Variants in PPFIBP1 observed in about 807,000 individuals in gnomAD.
The protein encoded by PPFIBP1 is liprin-beta-1.
PPFIBP1 carries 112 observed loss-of-function variants against 137.8 expected under a neutral mutation model. The observed-to-expected ratio is 0.81, with a 90% CI of 0.70 to 0.95. The LOEUF (loss-of-function observed/expected upper bound fraction) is 0.95. Ranked by LOEUF, PPFIBP1 falls within the 40% of genes least tolerant of loss-of-function variation. The probability of loss-of-function intolerance (pLI) is 0.00; values close to 1 mark genes in which losing one functional copy is unlikely to be tolerated. For synonymous variants in PPFIBP1, 378 were observed against 417.3 expected (o/e 0.91, Z 1.15); for missense variants, 1,083 against 1,196.6 (o/e 0.91, Z 1.40).
At chr12:27,616,681 A>G (rs2055797323) in intron 2 of PPFIBP1, among the ~76,000 whole-genome samples, 1 of 152,238 alleles carries the variant, frequency 6.6e-6, no homozygotes, top group African/African-American at 2.4e-5. Context: ...GCTTGGCATG[A>G]GATCAAGAAT....
rs148805297 is a variant in PPFIBP1 at position 27,618,276 on chromosome 12, C to T, written c.-35-15086C>T. On this transcript the variant is annotated intron_variant, in intron 2 of 29. Transcript: ENST00000228425. The stretch of plus-strand genomic sequence containing the variant: ...CACCTGAATGGACCCCTCCTCTCGG[C>T]CAAGGGCATTCCAAAGTTAACCCGA... Among the ~76,000 whole-genome samples the T allele has an allele frequency of 2.2e-3, 334 of 152,302 alleles. 1 individual carries two copies. Among genetic ancestry groups the T allele is most frequent in the African/African-American group, 7.6e-3 (316 of 41,560 alleles).
chr12:27,692,380 G>A (rs2061601712), intron 28 of PPFIBP1, among the ~76,000 whole-genome samples: 1 of 152,190 alleles, frequency 6.6e-6, no homozygotes, highest in Admixed American at 6.5e-5. Flanking sequence ...TATTAGCAAA[G>A]GCATTAGACT....
At chr12:27,579,419 T>C (rs943285503) in intron 2 of PPFIBP1, among the ~76,000 whole-genome samples, 2 of 152,194 alleles carry the variant, frequency 1.3e-5, no homozygotes, top group Non-Finnish European at 2.9e-5. Flanking sequence ...AGTAGAAAAT[T>C]ACCAGCACCT....
Position 27,667,231 on chromosome 12 carries a change from G to C in PPFIBP1, c.1057G>C (p.Gly353Arg), listed in dbSNP as rs148024203. Reference sequence around the variant, plus strand: ...CATCTCCTCTTTGCTGGATGCACAGGGTTTCAGTGATCTGGAGAAAAGTCC... The same window carrying C: ...CATCTCCTCTTTGCTGGATGCACAGCGTTTCAGTGATCTGGAGAAAAGTCC... ...SSISSLLDAQ[G>R]FSDLEKSPSP... The change falls in exon 13 of 30, where the codon GGT becomes CGT. Residue 353 changes from glycine (G) to arginine (R), a missense_variant. Coordinates refer to ENST00000228425, the MANE Select transcript of PPFIBP1 (RefSeq NM_003622.4). The C allele has an allele frequency of 9.9e-4, 1,593 of 1,613,614 alleles. 7 individuals carry two copies. The highest frequency in any genetic ancestry group is 2.4e-3 in the South Asian group (222 of 90,986).
intron 4 of PPFIBP1, 22 bp downstream of exon 4, chr12:27,635,137 TTC>T (rs769934097): frequency 1.4e-5 from 23 of 1,612,260 alleles, no homozygotes; most frequent in Non-Finnish European, 2.0e-5. Flanking sequence ...CTGTTCCAAA[TTC>T]TGTTATAAAT....
chr12:27,525,513 GAAAAAAA>G (rs56656340), intron 1 of PPFIBP1, among the ~76,000 whole-genome samples: 3 of 93,760 alleles, frequency 3.2e-5, no homozygotes, highest in East Asian at 3.1e-4. Context: ...GAGCAGGAAG[GAAAAAAA>G]AAAAAAAAAA....
At chr12:27,582,728 C>T (rs112388361) in intron 2 of PPFIBP1, among the ~76,000 whole-genome samples, 5,695 of 152,246 alleles carry the variant, frequency 0.037, 212 homozygotes, top group African/African-American at 0.095. Flanking sequence ...GCAGGATCCA[C>T]TTAGTCCCTA....
At chr12:27,556,464 C>A (rs1352476514) in intron 1 of PPFIBP1, among the ~76,000 whole-genome samples, 1 of 152,102 alleles carries the variant, frequency 6.6e-6, no homozygotes, top group African/African-American at 2.4e-5. Flanking sequence ...CTGTTGTGGA[C>A]TTAGCTTGCG....
chr12:27,535,425 GT>G (rs1944885704), intron 1 of PPFIBP1, among the ~76,000 whole-genome samples: 2 of 144,692 alleles, frequency 1.4e-5, no homozygotes. Context: ...GTTTTGTTTT[GT>G]TTTTTGAGAC....
At chr12:27,532,865 T>C (rs1944562087) in intron 1 of PPFIBP1, among the ~76,000 whole-genome samples, 1 of 152,170 alleles carries the variant, frequency 6.6e-6, no homozygotes, top group South Asian at 2.1e-4. Context: ...CAGGATGTTT[T>C]TAAGAAAAGA....
intron 4 of PPFIBP1, among the ~76,000 whole-genome samples, chr12:27,644,419 C>G (rs1383964847): frequency 6.6e-6 from 1 of 151,910 alleles, no homozygotes; most frequent in Non-Finnish European, 1.5e-5. Flanking sequence ...CAGTTTTTTT[C>G]TACTTACTGA....
chr12:27,694,475 T>G lies in PPFIBP1; in HGVS notation c.*1593T>G, dbSNP rs1214137546. The G allele has an allele frequency of 6.6e-6, 1 of 152,246 alleles. No homozygotes were observed. The highest frequency in any genetic ancestry group is 2.4e-5 in the African/African-American group (1 of 41,474). 9.4% of individuals were successfully genotyped at this position (152,246 alleles called of 1,614,324 possible). A position where few individuals can be genotyped will look rare whatever the true frequency, so the allele number is the denominator to read the frequency against. ...AAAATACTAGCAGTCTGCCTAAACA[T>G]GTTCATTGTACATTTCTCAGGCTAT... On this transcript the variant is annotated 3_prime_UTR_variant, in exon 30 of 30. Transcript: ENST00000228425.
intron 2 of PPFIBP1, among the ~76,000 whole-genome samples, chr12:27,620,359 G>T (rs4931203): frequency 6.6e-6 from 1 of 152,162 alleles, no homozygotes; most frequent in African/African-American, 2.4e-5. Context: ...TGGCTCACCA[G>T]CTTCCGGCCC....
At chr12:27,535,194 C>G (rs1467584396) in intron 1 of PPFIBP1, among the ~76,000 whole-genome samples, 1 of 152,152 alleles carries the variant, frequency 6.6e-6, no homozygotes, top group African/African-American at 2.4e-5. Context: ...GTTAAAGGTA[C>G]TAAAATATGA....
At chr12:27,605,489 T>C (rs972018896) in intron 2 of PPFIBP1, among the ~76,000 whole-genome samples, 1 of 152,194 alleles carries the variant, frequency 6.6e-6, no homozygotes, top group African/African-American at 2.4e-5. Flanking sequence ...CATTAACTTT[T>C]ATTTTTCTAT....
chr12:27,601,047 C>T (rs997904529), intron 2 of PPFIBP1, among the ~76,000 whole-genome samples: 18 of 152,254 alleles, frequency 1.2e-4, no homozygotes, highest in African/African-American at 4.1e-4. Flanking sequence ...CCTTGCTATG[C>T]AGTAGAGCAC....
chr12:27,628,559 C>G (rs1264538036), intron 2 of PPFIBP1, among the ~76,000 whole-genome samples: 1 of 152,094 alleles, frequency 6.6e-6, no homozygotes, highest in Non-Finnish European at 1.5e-5. Flanking sequence ...TCTGGGTAAG[C>G]AAAGAATGGG....
At chr12:27,654,251 T>C (rs965168240) in intron 7 of PPFIBP1, 2 of 152,256 alleles carry the variant, frequency 1.3e-5, no homozygotes, top group African/African-American at 4.8e-5. Context: ...CATATTTTTG[T>C]GGACAAAGGA....
chr12:27,570,414 A>C (rs973247279), intron 1 of PPFIBP1, among the ~76,000 whole-genome samples: 1 of 152,236 alleles, frequency 6.6e-6, no homozygotes, highest in Admixed American at 6.5e-5. Context: ...GGGTATTAAA[A>C]GTCAGGCTGA....
Sources: gnomAD v4.1 joint callset for allele counts (sites outside exome capture counted in the v4.1 genomes callset) on GRCh38, gnomAD v4.1.1 for gene constraint, MANE v1.5 for transcripts, NCBI Gene and HGNC (gene_info 2026-07-23, HGNC 2026-07-21) for gene names.